LRMDA: variants seen among roughly 807,000 people sequenced by gnomAD.
LRMDA encodes leucine rich melanocyte differentiation associated.
Under a neutral mutation model 29.8 loss-of-function variants are expected in LRMDA, and 18 were observed. That is an observed-to-expected ratio of 0.60 (90% confidence interval 0.42 to 0.90). The LOEUF (loss-of-function observed/expected upper bound fraction) is 0.90, where lower values mean the gene tolerates loss of function less well. LRMDA is among the 40% of genes least tolerant of loss of function. The pLI is 0.00. For missense variants in LRMDA, 273 were observed against 273.9 expected (o/e 1.00, Z 0.02); for synonymous variants, 125 against 109.4 (o/e 1.14, Z -0.89).
At chr10:76,160,856 C>G (rs975112312) in intron 5 of LRMDA, among the ~76,000 whole-genome samples, 1 of 152,054 alleles carries the variant, frequency 6.6e-6, no homozygotes, top group Admixed American at 6.6e-5. Context: ...TTATGAAAAG[C>G]AGTCCCCCGT....
At chr10:75,432,031 A>G (rs1844205371) in intron 1 of LRMDA, among the ~76,000 whole-genome samples, 1 of 152,212 alleles carries the variant, frequency 6.6e-6, no homozygotes. Context: ...GAGCAGGCCC[A>G]GCGGACACAG....
intron 1 of LRMDA, among the ~76,000 whole-genome samples, chr10:75,434,962 A>G (rs873038): frequency 0.1 from 15,813 of 152,176 alleles, 2,395 homozygotes; most frequent in African/African-American, 0.34. Flanking sequence ...GTGTGTACAT[A>G]GGTGGGGACC....
chr10:76,515,488 A>C (rs1301471527), intron 6 of LRMDA, among the ~76,000 whole-genome samples: 4 of 152,088 alleles, frequency 2.6e-5, no homozygotes. Flanking sequence ...GGTAGATTAG[A>C]CACTCTGAAT....
chr10:75,804,688 G>C (rs1003086673), intron 2 of LRMDA, among the ~76,000 whole-genome samples: 5 of 152,230 alleles, frequency 3.3e-5, no homozygotes, highest in African/African-American at 1.2e-4. Context: ...GCTTGCTCTG[G>C]GAGGGGCTCA....
chr10:76,388,032 T>A (rs909533183), intron 6 of LRMDA, among the ~76,000 whole-genome samples: 1 of 152,230 alleles, frequency 6.6e-6, no homozygotes, highest in African/African-American at 2.4e-5. Flanking sequence ...TCATTCATTC[T>A]TTGAACGAAA....
chr10:75,670,211 C>T (rs746353628), intron 2 of LRMDA, among the ~76,000 whole-genome samples: 8 of 152,112 alleles, frequency 5.3e-5, no homozygotes, highest in African/African-American at 1.7e-4. Context: ...GGAAGGAAAA[C>T]GAAATCTCCT....
chr10:76,069,393 T>C (rs2132066706), intron 5 of LRMDA, among the ~76,000 whole-genome samples: 1 of 152,346 alleles, frequency 6.6e-6, no homozygotes, highest in Non-Finnish European at 1.5e-5. Flanking sequence ...TAATTGGGAC[T>C]TCCTTTGATG....
At chr10:76,235,343 A>G (rs1265056949) in intron 5 of LRMDA, among the ~76,000 whole-genome samples, 1 of 152,130 alleles carries the variant, frequency 6.6e-6, no homozygotes, top group African/African-American at 2.4e-5. Context: ...CATAACAGAT[A>G]TAATAATAAT....
At chr10:76,193,733 T>C (rs1851285650) in intron 5 of LRMDA, among the ~76,000 whole-genome samples, 1 of 152,106 alleles carries the variant, frequency 6.6e-6, no homozygotes, top group Non-Finnish European at 1.5e-5. Flanking sequence ...TGCCAGTCAC[T>C]GTGATAGGCA....
chr10:75,843,301 G>A (rs995669181), intron 2 of LRMDA, among the ~76,000 whole-genome samples: 1 of 152,144 alleles, frequency 6.6e-6, no homozygotes, highest in Non-Finnish European at 1.5e-5. Context: ...CCTGAAATGA[G>A]GAAATGCATT....
intron 5 of LRMDA, among the ~76,000 whole-genome samples, chr10:76,194,072 G>C (rs1426369786): frequency 6.6e-6 from 1 of 152,200 alleles, no homozygotes; most frequent in Admixed American, 6.5e-5. Flanking sequence ...TTAGTGGTGT[G>C]CAGTATTGCT....
intron 6 of LRMDA, among the ~76,000 whole-genome samples, chr10:76,515,853 G>A (rs1351434745): frequency 6.6e-6 from 1 of 152,122 alleles, no homozygotes; most frequent in Non-Finnish European, 1.5e-5. Flanking sequence ...TATTGTTAGT[G>A]CATTTCTGGG....
intron 6 of LRMDA, among the ~76,000 whole-genome samples, chr10:76,442,775 G>A (rs77452845): frequency 0.022 from 3,296 of 152,202 alleles, 112 homozygotes; most frequent in African/African-American, 0.075. Flanking sequence ...CTTTTTAGGC[G>A]TGCATAGAAA....
rs1317868 is a variant in LRMDA at position 75,808,357 on chromosome 10, C to T, written c.132-227651C>T. Among the ~76,000 whole-genome samples the T allele has an allele frequency of 7.2e-5, 11 of 152,290 alleles. No homozygotes were observed. The East Asian group carries it at 1.5e-3, about 21-fold the overall frequency. On this transcript the variant is annotated intron_variant, in intron 2 of 6. Coordinates refer to ENST00000611255, the MANE Select transcript of LRMDA (RefSeq NM_001305581.2). ...ACTTTGGAGGGCAGGGCGTGCGTCT[C>T]GTGCATCTGTATAATATGAAAGCAT...
intron 2 of LRMDA, among the ~76,000 whole-genome samples, chr10:75,953,401 C>T (rs2132422015): frequency 6.6e-6 from 1 of 152,256 alleles, no homozygotes; most frequent in African/African-American, 2.4e-5. Flanking sequence ...TTTAGGGGCT[C>T]TTGGCTGCTG....
In LRMDA at chr10:75,796,811, C is replaced by T. The variant is rs906750328; in HGVS notation, c.132-239197C>T. 7.2e-5 allele frequency among the ~76,000 whole-genome samples: 11 copies of T among 152,218 alleles called. No individual in the cohort carries two copies. In the East Asian group the frequency reaches 9.6e-4, roughly 13 times the overall value. ...TTCTGTTGACCTCAGGTGATCCACCCGCCTTGGCCTCCCAAAGTGCTGGGA... is the reference window on the plus strand; with the variant it reads ...TTCTGTTGACCTCAGGTGATCCACCTGCCTTGGCCTCCCAAAGTGCTGGGA... On this transcript the variant is annotated intron_variant, in intron 2 of 6. Transcript: ENST00000611255.
chr10:75,783,103 C>A, intron 2 of LRMDA: 1 of 1,536,120 alleles, frequency 6.5e-7, no homozygotes, highest in Non-Finnish European at 9.0e-7. Context: ...TGAAGGCTGG[C>A]TGTCAGGGTA....
chr10:76,474,892 C>T (rs886825990), intron 6 of LRMDA, among the ~76,000 whole-genome samples: 9 of 151,506 alleles, frequency 5.9e-5, no homozygotes, highest in African/African-American at 2.2e-4. Flanking sequence ...TACACAAATG[C>T]AAACAAAATT....
At chr10:75,990,190 C>T (rs1262700013) in intron 2 of LRMDA, among the ~76,000 whole-genome samples, 2 of 152,202 alleles carry the variant, frequency 1.3e-5, no homozygotes, top group Non-Finnish European at 2.9e-5. Flanking sequence ...GTCTCACACA[C>T]GGACTTATTT....
Sources: allele counts gnomAD v4.1 joint callset (sites outside exome capture counted in the v4.1 genomes callset), GRCh38; gene constraint gnomAD v4.1.1; transcripts MANE v1.5; gene names NCBI Gene and HGNC (gene_info 2026-07-23, HGNC 2026-07-21).